OSBPL1A: variants seen among roughly 807,000 people sequenced by gnomAD.
OSBPL1A encodes the protein oxysterol-binding protein-related protein 1.
In OSBPL1A, 80 loss-of-function variants were observed where a neutral mutation model predicts 137.1. That is an observed-to-expected ratio of 0.58 (90% CI 0.49 to 0.70). The LOEUF is 0.70. OSBPL1A is among the 30% of genes least tolerant of loss of function. The pLI, the probability that OSBPL1A is intolerant of heterozygous loss-of-function variation, is 0.00. For synonymous variants in OSBPL1A, 365 were observed against 389.7 expected, an observed-to-expected ratio of 0.94 and a Z score of 0.75; for missense variants, 970 against 1,129.4, an observed-to-expected ratio of 0.86 and a Z score of 2.02.
In OSBPL1A at chr18:24,196,132, A is replaced by G; in HGVS notation, c.1670T>C (p.Ile557Thr). 1 of 1,608,306 alleles carries G rather than the reference A, an allele frequency of 6.2e-7. No individual in the cohort carries two copies. Among genetic ancestry groups the G allele is most frequent in the East Asian group, 2.2e-5 (1 of 44,850 alleles). ...FSIWSILRKC[I>T]GMELSKITMP... is the part of the protein sequence containing the mutation. ...ACAAAACCATTAATTTACCATTCCA[A>G]TACATTTTCTGAGGATGCTCCAGAT... The change falls in exon 18 of 28, where the codon ATT (isoleucine) becomes ACT (threonine). Residue 557 changes from isoleucine (I) to threonine (T), a missense_variant. Around this residue, in one of 2 missense-constraint regions of OSBPL1A, gnomAD observed 647 missense variants for 672.6 expected, o/e 0.96. Coordinates refer to ENST00000319481, the MANE Select transcript of OSBPL1A (RefSeq NM_080597.4).
chr18:24,263,487 A>G (rs2089490987), intron 15 of OSBPL1A, among the ~76,000 whole-genome samples: 1 of 152,226 alleles, frequency 6.6e-6, no homozygotes, highest in Non-Finnish European at 1.5e-5. Context: ...GATGACTCAT[A>G]TTAACACACC....
At chr18:24,369,794 A>G (rs889560607) in intron 2 of OSBPL1A, among the ~76,000 whole-genome samples, 2 of 152,190 alleles carry the variant, frequency 1.3e-5, no homozygotes, top group African/African-American at 4.8e-5. Context: ...TCTTTCACTG[A>G]ACCTATCTTT....
intron 5 of OSBPL1A, among the ~76,000 whole-genome samples, chr18:24,340,579 A>C (rs954782803): frequency 2.9e-4 from 44 of 152,222 alleles, no homozygotes; most frequent in African/African-American, 9.6e-4. Context: ...CCAAGGTGGG[A>C]AGATCACCTG....
At chr18:24,341,989 T>C (rs2091280898) in intron 4 of OSBPL1A, among the ~76,000 whole-genome samples, 2 of 152,212 alleles carry the variant, frequency 1.3e-5, no homozygotes, top group African/African-American at 4.8e-5. Flanking sequence ...GAGAAGGAAG[T>C]ACATTCACTG....
rs769171676 is a variant in OSBPL1A, at chr18:24,318,586, AC to A, written c.732+14del. The A allele has an allele frequency of 1.1e-5, 18 of 1,596,898 alleles. No individual in the cohort carries two copies. The African/African-American group carries it at 2.2e-4, about 19-fold the overall frequency. On this transcript the variant is annotated intron_variant, in intron 9 of 27. Transcript: ENST00000319481. ...TTCTTTACAGTTATATAATTAAAAA[AC>A]CACCTCAACTTACCTTCCAGAGAGG...
chr18:24,235,207 G>C (rs2088427351), intron 16 of OSBPL1A, among the ~76,000 whole-genome samples: 1 of 152,254 alleles, frequency 6.6e-6, no homozygotes, highest in Non-Finnish European at 1.5e-5. Flanking sequence ...AAGGCTGGAA[G>C]CACCAAGATC....
intron 14 of OSBPL1A, among the ~76,000 whole-genome samples, chr18:24,282,035 A>C (rs750032947): frequency 4.6e-5 from 7 of 152,170 alleles, no homozygotes; most frequent in Non-Finnish European, 8.8e-5. Context: ...TGATGATCTG[A>C]GGTAGAACAG....
intron 1 of OSBPL1A, among the ~76,000 whole-genome samples, chr18:24,385,207 G>A (rs937638990): frequency 6.6e-6 from 1 of 152,070 alleles, no homozygotes; most frequent in East Asian, 2.0e-4. Context: ...GCCCGCCCCG[G>A]CCTCCCAAAG....
chr18:24,184,135 T>C (rs1051071562), intron 18 of OSBPL1A, among the ~76,000 whole-genome samples: 3 of 152,242 alleles, frequency 2.0e-5, no homozygotes, highest in African/African-American at 7.2e-5. Flanking sequence ...TTTAAGAATA[T>C]AGGCAAATAG....
intron 1 of OSBPL1A, among the ~76,000 whole-genome samples, chr18:24,392,048 G>T (rs1358560296): frequency 1.3e-5 from 2 of 151,892 alleles, no homozygotes; most frequent in Non-Finnish European, 2.9e-5. Flanking sequence ...TAGAGTCAGG[G>T]TTTCATCGTG....
intron 17 of OSBPL1A, among the ~76,000 whole-genome samples, chr18:24,207,691 G>A (rs1352344669): frequency 6.6e-6 from 1 of 152,076 alleles, no homozygotes; most frequent in Non-Finnish European, 1.5e-5. Flanking sequence ...TTTTGCACTT[G>A]TGTGTGTATA....
At chr18:24,342,714 T>C (rs919890739) in intron 4 of OSBPL1A, among the ~76,000 whole-genome samples, 1 of 152,178 alleles carries the variant, frequency 6.6e-6, no homozygotes, top group Non-Finnish European at 1.5e-5. Context: ...TTATGACCAC[T>C]ATAAACATTT....
At chr18:24,351,186 A>G (rs551323636) in intron 4 of OSBPL1A, among the ~76,000 whole-genome samples, 1 of 151,794 alleles carries the variant, frequency 6.6e-6, no homozygotes, top group South Asian at 2.1e-4. Context: ...TGTCTCTACT[A>G]AAAAATAGAA....
At chr18:24,184,625 T>A (rs954288718) in intron 18 of OSBPL1A, among the ~76,000 whole-genome samples, 12 of 152,126 alleles carry the variant, frequency 7.9e-5, no homozygotes, top group African/African-American at 2.9e-4. Flanking sequence ...TTACCTACTG[T>A]TATAGTATGG....
intron 15 of OSBPL1A, among the ~76,000 whole-genome samples, chr18:24,240,558 G>A (rs1268563205): frequency 6.6e-6 from 1 of 152,166 alleles, no homozygotes; most frequent in African/African-American, 2.4e-5. Context: ...ACTATAGACA[G>A]ACAGGAGGCA....
chr18:24,207,750 A>G lies in OSBPL1A; in HGVS notation c.1602-11550T>C, dbSNP rs911767592. ...TATCACCTCTCTTCTCAACTATCAG[A>G]CTTCTTATCGTTTCCTCCAAATCCT... On this transcript the variant is annotated intron_variant, in intron 17 of 27. Coordinates refer to ENST00000319481, the MANE Select transcript of OSBPL1A (RefSeq NM_080597.4). Among the ~76,000 whole-genome samples, 8 of 152,078 alleles carry G rather than the reference A, an allele frequency of 5.3e-5. No homozygotes were observed. The South Asian group carries it at 6.2e-4, about 12-fold the overall frequency.
chr18:24,186,931 A>C (rs1248086841), intron 18 of OSBPL1A, among the ~76,000 whole-genome samples: 2 of 139,040 alleles, frequency 1.4e-5, no homozygotes, highest in Non-Finnish European at 3.1e-5. Context: ...AAAAAAAAAA[A>C]AATTCAGACA....
intron 21 of OSBPL1A, among the ~76,000 whole-genome samples, chr18:24,175,427 A>T (rs2086421335): frequency 6.6e-6 from 1 of 151,990 alleles, no homozygotes; most frequent in South Asian, 2.1e-4. Context: ...GGCTCAAGTG[A>T]TCCTCCCACT....
At chr18:24,192,361 A>G (rs2086909617) in intron 18 of OSBPL1A, among the ~76,000 whole-genome samples, 1 of 152,162 alleles carries the variant, frequency 6.6e-6, no homozygotes, top group Non-Finnish European at 1.5e-5. Context: ...AGGGGAAACA[A>G]GCAGAAAGAA....
Sources: allele counts gnomAD v4.1 joint callset (sites outside exome capture counted in the v4.1 genomes callset), GRCh38; gene constraint gnomAD v4.1.1; regional missense constraint gnomAD v4.1.1; transcripts MANE v1.5; gene names NCBI Gene and HGNC (gene_info 2026-07-23, HGNC 2026-07-21).